HDAC9: variants seen among roughly 807,000 people sequenced by gnomAD.
HDAC9 encodes MEF-2 interacting transcription repressor (MITR) protein.
Under a neutral mutation model 139.4 loss-of-function variants are expected in HDAC9, and 41 were observed. That is an observed-to-expected ratio of 0.29 (90% CI 0.23 to 0.38). The LOEUF (loss-of-function observed/expected upper bound fraction) is 0.38. Among genes scored for constraint, HDAC9 ranks in the 10% least tolerant of loss-of-function variants. The probability of loss-of-function intolerance (pLI) is 1.00; values close to 1 mark genes in which losing one functional copy is unlikely to be tolerated. For missense variants in HDAC9, 1,147 were observed against 1,297.0 expected (o/e 0.88, Z 1.78); for synonymous variants, 517 against 476.2 (o/e 1.09, Z -1.12).
rs184639453 is a variant in HDAC9, at chr7:18,723,333, C to G, written c.1732-4247C>G. On this transcript the variant is annotated intron_variant, in intron 12 of 25. Coordinates refer to ENST00000686413, the MANE Select transcript of HDAC9 (RefSeq NM_178425.4). ...GAATGATATGCATGGGAATATATAA[C>G]AGCCAAAGGTCATCTCTTCATGGAA... 7.9e-5 allele frequency among the ~76,000 whole-genome samples: 12 copies of G among 152,250 alleles called. No homozygotes were observed. The East Asian group carries it at 1.5e-3, about 20-fold the overall frequency.
intron 21 of HDAC9, among the ~76,000 whole-genome samples, chr7:18,847,719 T>G (rs1392510603): frequency 6.6e-6 from 1 of 152,256 alleles, no homozygotes; most frequent in Non-Finnish European, 1.5e-5. Context: ...GTGGTGTTAC[T>G]GAGGATTCCA....
chr7:18,784,989 G>A (rs1428817295), intron 16 of HDAC9, among the ~76,000 whole-genome samples: 1 of 151,604 alleles, frequency 6.6e-6, no homozygotes, highest in Non-Finnish European at 1.5e-5. Context: ...GTGTGCATGT[G>A]TGTGTTTTGT....
At chr7:18,623,968 A>C (rs1321729378) in intron 6 of HDAC9, among the ~76,000 whole-genome samples, 1 of 152,104 alleles carries the variant, frequency 6.6e-6, no homozygotes, top group Non-Finnish European at 1.5e-5. Flanking sequence ...TTGGGATGAG[A>C]GGTCTGGTCT....
chr7:18,773,352 T>C (rs529454623), intron 16 of HDAC9, among the ~76,000 whole-genome samples: 1 of 147,116 alleles, frequency 6.8e-6, no homozygotes, highest in Non-Finnish European at 1.5e-5. Context: ...CCTATTTTTT[T>C]AAAAAACTGT....
At chr7:18,642,031 C>G (rs1294321486) in intron 8 of HDAC9, among the ~76,000 whole-genome samples, 1 of 152,074 alleles carries the variant, frequency 6.6e-6, no homozygotes, top group Non-Finnish European at 1.5e-5. Flanking sequence ...CCTTGAAAGT[C>G]TACATAAATG....
intron 8 of HDAC9, among the ~76,000 whole-genome samples, chr7:18,639,211 T>C (rs1265886111): frequency 6.6e-6 from 1 of 152,110 alleles, no homozygotes; most frequent in African/African-American, 2.4e-5. Flanking sequence ...CTGCCTGTTG[T>C]TTCATAATAG....
intron 24 of HDAC9, among the ~76,000 whole-genome samples, chr7:18,954,989 T>C (rs1783051948): frequency 1.3e-5 from 2 of 152,088 alleles, no homozygotes. Flanking sequence ...CCCATTTATT[T>C]GATACTGTGA....
intron 1 of HDAC9, among the ~76,000 whole-genome samples, chr7:18,489,840 A>G (rs540832410): frequency 1.8e-4 from 27 of 152,120 alleles, no homozygotes; most frequent in African/African-American, 6.3e-4. Flanking sequence ...TGAGTGCTGC[A>G]GAGAGGGGCT....
chr7:18,592,236 C>T (rs1044995801), intron 5 of HDAC9, among the ~76,000 whole-genome samples: 2 of 152,054 alleles, frequency 1.3e-5, no homozygotes, highest in East Asian at 3.9e-4. Context: ...AATAGTTTAC[C>T]CCTGCCCACC....
intron 1 of HDAC9, among the ~76,000 whole-genome samples, chr7:18,107,131 T>C (rs1783270407): frequency 6.6e-6 from 1 of 152,180 alleles, no homozygotes; most frequent in African/African-American, 2.4e-5. Flanking sequence ...CTGGCTTTGC[T>C]GCCCCCTCTC....
chr7:18,647,596 A>G (rs1427092436), intron 9 of HDAC9, among the ~76,000 whole-genome samples, 189 bp from the exon 10 acceptor site: 1 of 152,196 alleles, frequency 6.6e-6, no homozygotes, highest in East Asian at 1.9e-4. Context: ...CAGTGCTCCA[A>G]CCCTATTTTT....
At chr7:18,949,923 A>T (rs573389763) in intron 23 of HDAC9, among the ~76,000 whole-genome samples, 1 of 152,066 alleles carries the variant, frequency 6.6e-6, no homozygotes, top group Non-Finnish European at 1.5e-5. Flanking sequence ...ATATACACAT[A>T]CATAATTTAC....
At chr7:18,480,401 T>C (rs80207295) in intron 1 of HDAC9, among the ~76,000 whole-genome samples, 2,263 of 152,276 alleles carry the variant, frequency 0.015, 24 homozygotes, top group Middle Eastern at 0.024. Flanking sequence ...TCAGAGACAA[T>C]GTGCTGTACA....
At position 18,442,578 on chromosome 7, in the gene HDAC9, T is replaced by G. The variant is rs373864306; in HGVS notation, c.-41-53684T>G. 1.9e-3 allele frequency among the ~76,000 whole-genome samples: 291 copies of G among 152,310 alleles called. 2 individuals carry two copies. The highest frequency in any genetic ancestry group is 5.7e-3 in the African/African-American group (237 of 41,574). ...GTCGGATATCTTAGCCTGCATTGGA[T>G]CCTCCATTGTCTGAAATACTGTACT... On this transcript the variant is annotated intron_variant, in intron 1 of 3. Coordinates refer to the HDAC9 transcript ENST00000413509.
intron 22 of HDAC9, among the ~76,000 whole-genome samples, chr7:18,926,920 A>T (rs974148430): frequency 6.6e-6 from 1 of 152,206 alleles, no homozygotes; most frequent in African/African-American, 2.4e-5. Flanking sequence ...CAGTATTTAT[A>T]GGGCTGCTTG....
At chr7:18,905,503 G>T (rs1337420743) in intron 22 of HDAC9, among the ~76,000 whole-genome samples, 4 of 152,216 alleles carry the variant, frequency 2.6e-5, no homozygotes, top group Non-Finnish European at 5.9e-5. Context: ...TTGTAGCTCT[G>T]TGTGCCTGCT....
chr7:18,906,512 T>C (rs1037298545), intron 22 of HDAC9, among the ~76,000 whole-genome samples: 1 of 152,194 alleles, frequency 6.6e-6, no homozygotes, highest in Non-Finnish European at 1.5e-5. Context: ...AAGAAACATT[T>C]TGAGTTGTTA....
At chr7:18,096,830 A>G (rs1010878514) in intron 1 of HDAC9, among the ~76,000 whole-genome samples, 1 of 151,920 alleles carries the variant, frequency 6.6e-6, no homozygotes, top group Non-Finnish European at 1.5e-5. Context: ...CAACTCTCAC[A>G]TGAGAAGTGC....
chr7:18,536,344 C>T (rs567344721), intron 2 of HDAC9, among the ~76,000 whole-genome samples: 8 of 152,186 alleles, frequency 5.3e-5, no homozygotes, highest in South Asian at 4.2e-4. Context: ...GATGTTTTCC[C>T]GAATCAGCTC....
Sources: gnomAD v4.1 joint callset for allele counts (sites outside exome capture counted in the v4.1 genomes callset) on GRCh38, gnomAD v4.1.1 for gene constraint, MANE v1.5 for transcripts, NCBI Gene and HGNC (gene_info 2026-07-23, HGNC 2026-07-21) for gene names.